PTPRD: variants seen among roughly 807,000 people sequenced by gnomAD.
PTPRD encodes protein tyrosine phosphatase receptor type D.
Under a neutral mutation model 214.5 loss-of-function variants are expected in PTPRD, and 34 were observed. That is an observed-to-expected ratio of 0.16 (90% CI 0.12 to 0.21). The LOEUF (loss-of-function observed/expected upper bound fraction) is 0.21, where lower values mean the gene tolerates loss of function less well. Among genes scored for constraint, PTPRD ranks in the 10% least tolerant of loss-of-function variants. The pLI is 1.00. For missense variants in PTPRD, 2,545 were observed against 2,398.7 expected (o/e 1.06, Z -1.27); for synonymous variants, 1,128 against 845.7 (o/e 1.33, Z -5.79).
chr9:8,507,908 G>A (rs915200948), intron 21 of PTPRD, among the ~76,000 whole-genome samples: 26 of 151,798 alleles, frequency 1.7e-4, no homozygotes, highest in African/African-American at 6.1e-4. Flanking sequence ...CTACCTTTAC[G>A]CCAATAACAA....
In PTPRD at chr9:9,868,817, TCTCATCTACA is replaced by T. The variant is rs58935178; in HGVS notation, c.-368+69680_-368+69689del. 3.0e-3 allele frequency among the ~76,000 whole-genome samples: 460 copies of T among 152,098 alleles called. 1 individual carries two copies. Among genetic ancestry groups the T allele is most frequent in the African/African-American group, 0.011 (448 of 41,438 alleles). ...TAAAGAATTTGGCTGTTATTAAATCTCTCATCTACAACACCAGATTCTAAAAGTTGATAGA... is the reference window on the plus strand; with the variant it reads ...TAAAGAATTTGGCTGTTATTAAATCTACACCAGATTCTAAAAGTTGATAGA... On this transcript the variant is annotated intron_variant, in intron 5 of 45. Transcript: ENST00000381196.
At chr9:9,213,463 A>G (rs1488495021) in intron 9 of PTPRD, among the ~76,000 whole-genome samples, 1 of 152,202 alleles carries the variant, frequency 6.6e-6, no homozygotes, top group Non-Finnish European at 1.5e-5. Flanking sequence ...ATTAAATAAA[A>G]TCACTTCATT....
At chr9:9,476,554 G>A (rs952798616) in intron 8 of PTPRD, among the ~76,000 whole-genome samples, 2 of 151,996 alleles carry the variant, frequency 1.3e-5, no homozygotes, top group South Asian at 4.1e-4. Flanking sequence ...TGATGTCAAG[G>A]ACCAGAACAT....
Position 8,528,811 on chromosome 9 carries a change from T to C in PTPRD, c.353-32A>G, listed in dbSNP as rs748408569. On this transcript the variant is annotated intron_variant, in intron 14 of 45. Transcript: ENST00000381196. The stretch of plus-strand genomic sequence containing the variant: ...GACAAAAGGTGATAGAAACATTCAG[T>C]TAATAAGTCAGATGCTCCAAATTCA... 5 of 1,603,422 alleles carry C rather than the reference T, an allele frequency of 3.1e-6. No homozygotes were observed. In the African/African-American group the frequency reaches 6.7e-5, roughly 22 times the overall value.
chr9:10,365,373 A>T (rs913305297), intron 2 of PTPRD, among the ~76,000 whole-genome samples: 2 of 152,204 alleles, frequency 1.3e-5, no homozygotes, highest in Non-Finnish European at 2.9e-5. Context: ...CTTCCCAAGT[A>T]GCTACATCAG....
At chr9:8,930,845 T>G (rs1273578152) in intron 11 of PTPRD, among the ~76,000 whole-genome samples, 1 of 152,212 alleles carries the variant, frequency 6.6e-6, no homozygotes, top group Non-Finnish European at 1.5e-5. Flanking sequence ...GAGTTCTTTG[T>G]AGATTCTGGA....
intron 4 of PTPRD, among the ~76,000 whole-genome samples, chr9:10,001,624 C>T (rs1316101631): frequency 6.6e-6 from 1 of 152,066 alleles, no homozygotes; most frequent in Non-Finnish European, 1.5e-5. Context: ...AAGAAAAAGA[C>T]TATCACATAA....
At chr9:8,745,493 G>A (rs1274671273) in intron 11 of PTPRD, among the ~76,000 whole-genome samples, 2 of 152,134 alleles carry the variant, frequency 1.3e-5, no homozygotes, top group African/African-American at 2.4e-5. Context: ...ACTGAATGAA[G>A]GTATTTGGCA....
chr9:8,619,778 T>C (rs1595434043), intron 14 of PTPRD, among the ~76,000 whole-genome samples: 1 of 151,992 alleles, frequency 6.6e-6, no homozygotes, highest in East Asian at 1.9e-4. Flanking sequence ...CACATCTTCA[T>C]CCTTTTCCTA....
intron 35 of PTPRD, among the ~76,000 whole-genome samples, chr9:8,423,047 G>A (rs965220160): frequency 1.3e-5 from 2 of 152,106 alleles, no homozygotes; most frequent in African/African-American, 2.4e-5. Flanking sequence ...ATGGGAGTAG[G>A]GGAAACACAG....
intron 2 of PTPRD, among the ~76,000 whole-genome samples, chr9:10,578,997 C>G (rs1429007668): frequency 6.6e-6 from 1 of 152,014 alleles, no homozygotes; most frequent in Non-Finnish European, 1.5e-5. Flanking sequence ...TGGTGATTTG[C>G]TGCACCTCTC....
intron 2 of PTPRD, among the ~76,000 whole-genome samples, chr9:10,400,269 A>C (rs1434222701): frequency 2.6e-5 from 4 of 151,800 alleles, no homozygotes; most frequent in African/African-American, 9.7e-5. Flanking sequence ...AACAGATATT[A>C]AGTATTTACA....
At chr9:10,295,747 C>T (rs140729599) in intron 3 of PTPRD, among the ~76,000 whole-genome samples, 102 of 152,174 alleles carry the variant, frequency 6.7e-4, no homozygotes, top group African/African-American at 2.3e-3. Context: ...CATCATCCTA[C>T]GTTACCCTTA....
chr9:9,467,279 G>C (rs1474813539), intron 8 of PTPRD, among the ~76,000 whole-genome samples: 3 of 127,376 alleles, frequency 2.4e-5, no homozygotes, highest in African/African-American at 6.4e-5. Flanking sequence ...CTTCTCTTTG[G>C]CCAAAATCTA....
At chr9:9,962,285 A>G (rs1427639181) in intron 4 of PTPRD, among the ~76,000 whole-genome samples, 2 of 151,140 alleles carry the variant, frequency 1.3e-5, no homozygotes, top group African/African-American at 4.9e-5. Context: ...AGACAACCAA[A>G]TTGAGAAAGT....
intron 7 of PTPRD, among the ~76,000 whole-genome samples, chr9:9,609,087 G>C (rs2094363190): frequency 6.6e-6 from 1 of 152,106 alleles, no homozygotes; most frequent in African/African-American, 2.4e-5. Context: ...TATTGCTTAA[G>C]AAGTGAAGAA....
intron 9 of PTPRD, among the ~76,000 whole-genome samples, chr9:9,252,087 G>A (rs901025960): frequency 6.6e-6 from 1 of 151,742 alleles, no homozygotes; most frequent in East Asian, 2.0e-4. Context: ...TATTTAACAT[G>A]GTGCCACAAT....
At chr9:9,334,600 CT>C (rs1569567466) in intron 9 of PTPRD, among the ~76,000 whole-genome samples, 1 of 151,890 alleles carries the variant, frequency 6.6e-6, no homozygotes, top group African/African-American at 2.4e-5. Context: ...GATATGTCTC[CT>C]TATCTCTCTG....
Position 9,349,279 on chromosome 9 carries a change from C to A in PTPRD, c.-203+48170G>T, listed in dbSNP as rs994819897. On this transcript the variant is annotated intron_variant, in intron 9 of 45. Transcript: ENST00000381196. ...TTTTAGCATAGAACACTAAGACATGCCAAGGGCTAGCTTATCTACCAGTCT... is the reference window on the plus strand; with the variant it reads ...TTTTAGCATAGAACACTAAGACATGACAAGGGCTAGCTTATCTACCAGTCT... 5.9e-5 allele frequency among the ~76,000 whole-genome samples: 9 copies of A among 152,154 alleles called. No individual in the cohort carries two copies. The South Asian group carries it at 1.9e-3, about 32-fold the overall frequency.
Sources: allele counts gnomAD v4.1 joint callset (sites outside exome capture counted in the v4.1 genomes callset), GRCh38; gene constraint gnomAD v4.1.1; transcripts MANE v1.5; gene names NCBI Gene and HGNC (gene_info 2026-07-23, HGNC 2026-07-21).